Variants in SNAP91 observed in about 807,000 individuals in gnomAD.
The protein encoded by SNAP91 is clathrin coat assembly protein AP180.
In SNAP91, 27 loss-of-function variants were observed where a neutral mutation model predicts 100.3. That is an observed-to-expected ratio of 0.27 (90% CI 0.20 to 0.37). The LOEUF is 0.37. SNAP91 is among the 10% of genes least tolerant of loss of function. The pLI is 1.00. For synonymous variants in SNAP91, 404 were observed against 398.6 expected (o/e 1.01, Z -0.16); for missense variants, 986 against 1,123.7 (o/e 0.88, Z 1.75).
chr6:83,571,606 C>G (rs1807919851), intron 26 of SNAP91, among the ~76,000 whole-genome samples: 1 of 152,208 alleles, frequency 6.6e-6, no homozygotes, highest in African/African-American at 2.4e-5. Flanking sequence ...TAGGAAGTAA[C>G]TAACTTGCTT....
At chr6:83,653,027 C>T (rs2098269037) in intron 7 of SNAP91, among the ~76,000 whole-genome samples, 1 of 152,094 alleles carries the variant, frequency 6.6e-6, no homozygotes, top group Non-Finnish European at 1.5e-5. Context: ...ATTTATTCAT[C>T]TTTGATTTTC....
intron 17 of SNAP91, 56 bp downstream of exon 17, chr6:83,594,318 G>C: frequency 7.5e-7 from 1 of 1,328,272 alleles, no homozygotes; most frequent in Non-Finnish European, 1.1e-6. Context: ...TTCTAACTAC[G>C]GGGGTTTTAC....
chr6:83,669,375 T>TCTTTCATTTAAAGAATTTAAAAAAATAAA (rs1400920395), intron 2 of SNAP91, among the ~76,000 whole-genome samples: 104 of 152,174 alleles, frequency 6.8e-4, no homozygotes, highest in African/African-American at 2.4e-3. Flanking sequence ...TCTTAAAAAT[T>TCTTTCATTTAAAGAATTTAAAAAAATAAA]GTGAGATCTA....
At chr6:83,696,854 G>A (rs2099219738) in intron 2 of SNAP91, among the ~76,000 whole-genome samples, 1 of 152,058 alleles carries the variant, frequency 6.6e-6, no homozygotes, top group Non-Finnish European at 1.5e-5. Flanking sequence ...GTTCACCATG[G>A]TATCCCTGTT....
At chr6:83,609,786 A>G (rs1461235981) in intron 12 of SNAP91, among the ~76,000 whole-genome samples, 1 of 152,214 alleles carries the variant, frequency 6.6e-6, no homozygotes, top group Non-Finnish European at 1.5e-5. Flanking sequence ...AAGACACCCA[A>G]TTACAATGGA....
chr6:83,592,796 C>G (rs572246185), intron 20 of SNAP91, 150 bp downstream of exon 20: 21 of 725,974 alleles, frequency 2.9e-5, no homozygotes, highest in Non-Finnish European at 3.9e-5. Flanking sequence ...TAACCCTCAA[C>G]GGTTGATGAT....
intron 14 of SNAP91, among the ~76,000 whole-genome samples, chr6:83,604,967 T>C (rs1214719689): frequency 6.6e-6 from 1 of 152,186 alleles, no homozygotes; most frequent in Non-Finnish European, 1.5e-5. Context: ...TTTATTCTGA[T>C]AGTTTGGTAC....
chr6:83,563,326 A>G (rs772590987), intron 26 of SNAP91, among the ~76,000 whole-genome samples: 3 of 152,196 alleles, frequency 2.0e-5, no homozygotes, highest in Non-Finnish European at 2.9e-5. Context: ...GACGAAGTCC[A>G]ACAGCTTTTC....
chr6:83,687,643 A>T (rs1220873277), intron 2 of SNAP91, among the ~76,000 whole-genome samples: 1 of 152,118 alleles, frequency 6.6e-6, no homozygotes, highest in African/African-American at 2.4e-5. Context: ...ATGGCTGGAA[A>T]TATGTTTGAA....
At chr6:83,601,030 T>A (rs905225639) in intron 16 of SNAP91, among the ~76,000 whole-genome samples, 4 of 152,200 alleles carry the variant, frequency 2.6e-5, no homozygotes, top group Non-Finnish European at 5.9e-5. Context: ...TGAATTCTAA[T>A]GTTAAAAAAC....
Position 83,707,973 on chromosome 6 carries a change from G to A in SNAP91, c.-30-16C>T. The A allele has an allele frequency of 6.5e-7, 1 of 1,533,806 alleles. No individual in the cohort carries two copies. Among genetic ancestry groups the A allele is most frequent in the Non-Finnish European group, 8.7e-7 (1 of 1,151,540 alleles). ...GCCTCCTCTTCTGCAGGAAACAAGG[G>A]GAGACGGTCCGGCTTTAATCCGCAG... On this transcript the variant is annotated splice_polypyrimidine_tract_variant and intron_variant, in intron 1 of 29. Coordinates refer to ENST00000369694, the MANE Select transcript of SNAP91 (RefSeq NM_001242792.2).
At chr6:83,561,542 C>A (rs1787702471) in intron 26 of SNAP91, among the ~76,000 whole-genome samples, 1 of 152,188 alleles carries the variant, frequency 6.6e-6, no homozygotes, top group Admixed American at 6.5e-5. Context: ...TGCTGGCTTG[C>A]AGATTGCTCA....
At chr6:83,567,804 C>T (rs1452238327) in intron 26 of SNAP91, among the ~76,000 whole-genome samples, 1 of 152,182 alleles carries the variant, frequency 6.6e-6, no homozygotes, top group Non-Finnish European at 1.5e-5. Context: ...GAGATACCAT[C>T]TCACACCAAT....
intron 2 of SNAP91, among the ~76,000 whole-genome samples, chr6:83,698,903 G>T (rs1588093071): frequency 6.6e-6 from 1 of 152,222 alleles, no homozygotes; most frequent in South Asian, 2.1e-4. Flanking sequence ...ATCATGATAG[G>T]CAGTATATAA....
At chr6:83,572,676 A>G (rs1226317462) in intron 26 of SNAP91, among the ~76,000 whole-genome samples, 2 of 152,194 alleles carry the variant, frequency 1.3e-5, no homozygotes, top group Non-Finnish European at 2.9e-5. Flanking sequence ...TTCTGAAACT[A>G]ACTTGTTAAA....
chr6:83,709,225 C>G (rs2099420693), upstream of SNAP91: 1 of 152,246 alleles, frequency 6.6e-6, no homozygotes, highest in Non-Finnish European at 1.5e-5. Context: ...TCACACACAC[C>G]GCCCCCCGGG....
At position 83,641,085 on chromosome 6, in the gene SNAP91, A is replaced by G. The variant is rs1308920191; in HGVS notation, c.765+11T>C. The G allele has an allele frequency of 7.1e-6, 10 of 1,405,184 alleles. No homozygotes were observed. Among genetic ancestry groups the G allele is most frequent in the Non-Finnish European group, 9.6e-6 (10 of 1,045,330 alleles). The allele number at this position is 1,405,184 out of a possible 1,614,324, so 87.0% of individuals were successfully genotyped here. Reference sequence around the variant, plus strand: ...AAAATTATATTCCCAAGAAAACTTAATATTACTTACCTCTGCAACCTTGAG... The same window carrying G: ...AAAATTATATTCCCAAGAAAACTTAGTATTACTTACCTCTGCAACCTTGAG... On this transcript the variant is annotated intron_variant, in intron 8 of 29. Transcript: ENST00000369694.
At chr6:83,639,961 T>A (rs537428931) in intron 8 of SNAP91, among the ~76,000 whole-genome samples, 9 of 151,992 alleles carry the variant, frequency 5.9e-5, no homozygotes, top group Non-Finnish European at 1.3e-4. Flanking sequence ...AAAGAAAAAA[T>A]TTTAAGCAAT....
chr6:83,661,967 T>C (rs552360177), intron 4 of SNAP91, among the ~76,000 whole-genome samples: 2 of 152,302 alleles, frequency 1.3e-5, no homozygotes, highest in South Asian at 2.1e-4. Flanking sequence ...ACAGTGAATA[T>C]GATAAATGAA....
Sources: allele counts gnomAD v4.1 joint callset (sites outside exome capture counted in the v4.1 genomes callset), GRCh38; gene constraint gnomAD v4.1.1; transcripts MANE v1.5; gene names NCBI Gene and HGNC (gene_info 2026-07-23, HGNC 2026-07-21).